Variants in ZNF536 observed in about 807,000 individuals in gnomAD.
The protein encoded by ZNF536 is zinc finger protein 536.
ZNF536 carries 13 observed loss-of-function variants against 84.5 expected under a neutral mutation model. The ratio of observed to expected loss-of-function variants is 0.15; its 90% CI spans 0.10 to 0.24. The LOEUF (loss-of-function observed/expected upper bound fraction) is 0.24, where lower values mean the gene tolerates loss of function less well. Ranked by LOEUF, ZNF536 falls within the 10% of genes least tolerant of loss-of-function variation. The probability of loss-of-function intolerance (pLI) is 1.00; values close to 1 mark genes in which losing one functional copy is unlikely to be tolerated. For missense variants in ZNF536, 1,536 were observed against 1,747.5 expected, an observed-to-expected ratio of 0.88 and a Z score of 2.16; for synonymous variants, 811 against 742.5, an observed-to-expected ratio of 1.09 and a Z score of -1.50.
chr19:30,433,363 T>A (rs1013916770), intron 1 of ZNF536, among the ~76,000 whole-genome samples: 6 of 152,206 alleles, frequency 3.9e-5, no homozygotes, highest in African/African-American at 1.4e-4. Flanking sequence ...AAGGCAAGGG[T>A]CTGGTCTTGC....
In ZNF536 at chr19:30,551,560, T is replaced by C. The variant is rs1293816905; in HGVS notation, c.3895+2046T>C. Among the ~76,000 whole-genome samples the C allele has an allele frequency of 2.6e-5, 4 of 152,302 alleles. No homozygotes were observed. The East Asian group carries it at 7.7e-4, about 29-fold the overall frequency. The stretch of plus-strand genomic sequence containing the variant: ...TGGGCAGCAGATCCTGGGATGTAAG[T>C]TGTGCCCCCCACCCCTCGCCTCTTT... On this transcript the variant is annotated intron_variant, in intron 4 of 4. Coordinates refer to ENST00000355537, the MANE Select transcript of ZNF536 (RefSeq NM_014717.3).
chr19:30,377,181 G>A (rs1411949251), intron 1 of ZNF536, among the ~76,000 whole-genome samples: 1 of 152,182 alleles, frequency 6.6e-6, no homozygotes, highest in Admixed American at 6.5e-5. Context: ...GGCCTCATGA[G>A]GGCAGGAGCC....
chr19:30,542,708 A>G (rs1168246662), intron 3 of ZNF536, among the ~76,000 whole-genome samples: 1 of 152,212 alleles, frequency 6.6e-6, no homozygotes, highest in East Asian at 1.9e-4. Context: ...TCCAGACCCC[A>G]TCTGTAAAAT....
chr19:30,607,625 G>A (rs945896379), intron 1 of ZNF536, among the ~76,000 whole-genome samples: 6 of 151,756 alleles, frequency 4.0e-5, no homozygotes, highest in African/African-American at 1.2e-4. Context: ...GGGAGGCTGA[G>A]GCAGGAGAAT....
intron 4 of ZNF536, chr19:30,554,211 C>T (rs1223108343): frequency 6.6e-6 from 1 of 150,478 alleles, no homozygotes; most frequent in Admixed American, 6.6e-5. Flanking sequence ...TTTCCCTAAG[C>T]CTTATAGATT....
intron 2 of ZNF536, among the ~76,000 whole-genome samples, chr19:30,311,193 T>C (rs1335973241): frequency 6.6e-6 from 1 of 152,146 alleles, no homozygotes; most frequent in South Asian, 2.1e-4. Flanking sequence ...TCTTTCCTAA[T>C]GCTCTGGGCA....
At chr19:30,303,660 G>A (rs996839905) in intron 2 of ZNF536, among the ~76,000 whole-genome samples, 2 of 152,070 alleles carry the variant, frequency 1.3e-5, no homozygotes, top group African/African-American at 2.4e-5. Context: ...CGGCCACCAC[G>A]CCCGGCTAAT....
At chr19:30,475,486 T>C (rs1183014293) in intron 2 of ZNF536, among the ~76,000 whole-genome samples, 3 of 152,182 alleles carry the variant, frequency 2.0e-5, no homozygotes, top group African/African-American at 7.2e-5. Context: ...GGCCATAAAA[T>C]AGATATGGCC....
Position 30,445,861 on chromosome 19 carries a change from G to A in ZNF536, c.2170+129G>A. ...CTTGATTGAGGACAGGGGTGGGTTG[G>A]ACACTGGGCCATGCCTTTCTTTCCC... On this transcript the variant is annotated intron_variant, in intron 2 of 4. Transcript: ENST00000355537. The surrounding 1 kb of genome is among the most constrained non-coding windows in gnomAD (Gnocchi z 4.5). The A allele has an allele frequency of 3.1e-6, 4 of 1,282,078 alleles. No individual in the cohort carries two copies. The highest frequency in any genetic ancestry group is 4.2e-6 in the Non-Finnish European group (4 of 961,316). The allele number at this position is 1,282,078 out of a possible 1,614,324, so 79.4% of individuals were successfully genotyped here.
intron 2 of ZNF536, among the ~76,000 whole-genome samples, chr19:30,291,773 A>G (rs1252436539): frequency 1.3e-5 from 2 of 152,188 alleles, no homozygotes; most frequent in Non-Finnish European, 2.9e-5. Context: ...GCTAGCAGCC[A>G]TCTTCATGGG....
At chr19:30,705,245 C>T (rs774103485) in intron 1 of ZNF536, among the ~76,000 whole-genome samples, 1 of 152,166 alleles carries the variant, frequency 6.6e-6, no homozygotes, top group Non-Finnish European at 1.5e-5. Context: ...GGGCCTTTCA[C>T]TTCTTCATAG....
At chr19:30,363,258 C>T (rs1356686732) in intron 3 of ZNF536, among the ~76,000 whole-genome samples, 2 of 152,140 alleles carry the variant, frequency 1.3e-5, no homozygotes. Context: ...CTTCTGTGCA[C>T]CTAGCATCGG....
chr19:30,662,218 A>G (rs1466200630), intron 1 of ZNF536, among the ~76,000 whole-genome samples: 3 of 152,202 alleles, frequency 2.0e-5, no homozygotes, highest in Non-Finnish European at 4.4e-5. Context: ...TAATCAAGAT[A>G]TTAGCAAAGA....
intron 2 of ZNF536, among the ~76,000 whole-genome samples, chr19:30,289,909 C>T (rs1036928929): frequency 7.2e-5 from 11 of 152,146 alleles, no homozygotes; most frequent in Admixed American, 6.5e-5. Context: ...CTATCTTGAC[C>T]ATTTTAAAGT....
chr19:30,475,167 G>C (rs988023330), intron 2 of ZNF536, among the ~76,000 whole-genome samples: 1 of 152,012 alleles, frequency 6.6e-6, no homozygotes. Flanking sequence ...TGCAACCTTC[G>C]TCTCCCAGGT....
chr19:30,592,781 G>A (rs1025496843), intron 1 of ZNF536, among the ~76,000 whole-genome samples: 2 of 151,840 alleles, frequency 1.3e-5, no homozygotes, highest in Non-Finnish European at 2.9e-5. Flanking sequence ...ATAAATGATC[G>A]GGTGATGGAC....
At position 30,443,777 on chromosome 19, in the gene ZNF536, T is replaced by C. The variant is rs747549922; in HGVS notation, c.215T>C (p.Met72Thr). The change falls in exon 2 of 5, where the codon ATG becomes ACG. Residue 72 changes from methionine (M) to threonine (T), a missense_variant. Physicochemically the swap from Met to Thr is moderately conservative, Grantham distance 81 (BLOSUM62 -1). Transcript: ENST00000355537. ...CTGGAGGAGAAGGCCCACGTGCCCA[T>C]GAGCGGCCAGCCCATGGGCAGTCAG... ...ASLEEKAHVP[M>T]SGQPMGSQMA... 1.9e-6 allele frequency: 3 copies of C among 1,612,898 alleles called. No individual in the cohort carries two copies. Among genetic ancestry groups the C allele is most frequent in the Non-Finnish European group, 2.5e-6 (3 of 1,179,526 alleles).
intron 2 of ZNF536, among the ~76,000 whole-genome samples, chr19:30,471,127 G>C (rs1028372413): frequency 3.3e-5 from 5 of 151,996 alleles, no homozygotes; most frequent in African/African-American, 9.7e-5. Flanking sequence ...GGCTTAGACC[G>C]TTTATCAGAT....
At chr19:30,517,496 T>A (rs75054306) in intron 2 of ZNF536, among the ~76,000 whole-genome samples, 1 of 152,104 alleles carries the variant, frequency 6.6e-6, no homozygotes. Context: ...GGGCTCAGCA[T>A]TGGGAGATAA....
Sources: allele counts gnomAD v4.1 joint callset (sites outside exome capture counted in the v4.1 genomes callset), GRCh38; gene constraint gnomAD v4.1.1; non-coding constraint Gnocchi (gnomAD v3.1); transcripts MANE v1.5; gene names NCBI Gene and HGNC (gene_info 2026-07-23, HGNC 2026-07-21).